Variants in LINGO2 observed in about 807,000 individuals in gnomAD.
LINGO2 encodes the protein leucine rich repeat and Ig domain containing 2.
A neutral mutation model predicts 30.6 loss-of-function variants in LINGO2; 14 were observed. The observed-to-expected ratio is 0.46, with a 90% CI of 0.30 to 0.72. The LOEUF is 0.72. Among genes scored for constraint, LINGO2 ranks in the 30% least tolerant of loss-of-function variants. LINGO2 has a pLI of 0.07. For synonymous variants in LINGO2, 317 were observed against 288.5 expected (o/e 1.10, Z -1.00); for missense variants, 729 against 751.7 (o/e 0.97, Z 0.35).
intron 3 of LINGO2, among the ~76,000 whole-genome samples, chr9:28,352,187 G>A (rs375107540): frequency 5.3e-5 from 8 of 151,966 alleles, no homozygotes; most frequent in South Asian, 2.1e-4. Context: ...AGGGTATTCA[G>A]TTAGGAAAAG....
At chr9:28,419,695 G>T (rs1261433478) in intron 2 of LINGO2, among the ~76,000 whole-genome samples, 1 of 151,578 alleles carries the variant, frequency 6.6e-6, no homozygotes, top group East Asian at 1.9e-4. Flanking sequence ...TCAGCCTTAA[G>T]ACCAATGACA....
the LINGO2 span, among the ~76,000 whole-genome samples, chr9:28,998,105 G>C: frequency 6.6e-6 from 1 of 152,136 alleles, no homozygotes; most frequent in East Asian, 1.9e-4. Flanking sequence ...CCATACTTAA[G>C]AGTCAGAAAT....
chr9:28,131,028 A>G (rs1367517055), intron 4 of LINGO2, among the ~76,000 whole-genome samples: 1 of 151,968 alleles, frequency 6.6e-6, no homozygotes, highest in Non-Finnish European at 1.5e-5. Flanking sequence ...AACTTCTACC[A>G]TGCTCCCAGC....
intron 4 of LINGO2, among the ~76,000 whole-genome samples, chr9:28,191,755 G>A (rs1220087967): frequency 6.6e-6 from 1 of 152,044 alleles, no homozygotes; most frequent in Non-Finnish European, 1.5e-5. Flanking sequence ...AGAACCTAAA[G>A]TTTTAACCTC....
chr9:28,519,875 A>AT (rs35872265), intron 1 of LINGO2, among the ~76,000 whole-genome samples: 4 of 151,764 alleles, frequency 2.6e-5, no homozygotes, highest in Non-Finnish European at 5.9e-5. Context: ...TTGATCCCCA[A>AT]TTTTTTTTCT....
intron 4 of LINGO2, among the ~76,000 whole-genome samples, chr9:28,172,469 C>T (rs897063110): frequency 2.0e-5 from 3 of 151,966 alleles, no homozygotes; most frequent in Non-Finnish European, 4.4e-5. Flanking sequence ...ACCTAAGAAC[C>T]CTACATAGAA....
intron 5 of LINGO2, among the ~76,000 whole-genome samples, chr9:27,972,176 C>G (rs1245555153): frequency 1.3e-5 from 2 of 152,166 alleles, no homozygotes; most frequent in Admixed American, 1.3e-4. Flanking sequence ...AGGAATCAAA[C>G]TTCTCTGTCT....
the LINGO2 span, among the ~76,000 whole-genome samples, chr9:29,040,029 G>C: frequency 1.3e-5 from 2 of 151,886 alleles, no homozygotes; most frequent in Non-Finnish European, 2.9e-5. Context: ...TATTTTTATA[G>C]AAATATTTCT....
chr9:28,805,454 T>A, the LINGO2 span, among the ~76,000 whole-genome samples: 15 of 152,170 alleles, frequency 9.9e-5, no homozygotes, highest in Non-Finnish European at 1.9e-4. Flanking sequence ...TCTATATCTA[T>A]CTAATTCCAT....
intron 1 of LINGO2, among the ~76,000 whole-genome samples, chr9:28,552,189 C>A (rs1226249583): frequency 6.6e-6 from 1 of 151,904 alleles, no homozygotes; most frequent in Non-Finnish European, 1.5e-5. Flanking sequence ...CTGCAAATTA[C>A]CCTGGGTGTT....
chr9:28,628,024 A>G (rs1826762451), intron 1 of LINGO2, among the ~76,000 whole-genome samples: 1 of 152,038 alleles, frequency 6.6e-6, no homozygotes. Flanking sequence ...TTCTATCTCA[A>G]TAATACCATT....
At chr9:28,594,229 A>C (rs1459565215) in intron 1 of LINGO2, among the ~76,000 whole-genome samples, 1 of 151,978 alleles carries the variant, frequency 6.6e-6, no homozygotes, top group African/African-American at 2.4e-5. Context: ...ATAGGAAAGC[A>C]CTTTTTCTTC....
the LINGO2 span, among the ~76,000 whole-genome samples, chr9:28,873,691 TA>T: frequency 1.4e-4 from 21 of 152,108 alleles, no homozygotes; most frequent in Admixed American, 2.6e-4. Context: ...TATGAACTCA[TA>T]TAATTGCAGA....
intron 2 of LINGO2, among the ~76,000 whole-genome samples, chr9:28,374,707 G>T (rs573891875): frequency 1.5e-4 from 23 of 152,188 alleles, no homozygotes; most frequent in Middle Eastern, 6.8e-3. Context: ...CACCCACCAT[G>T]TATAAGCACT....
chr9:28,372,239 A>G (rs1284706131), intron 3 of LINGO2, among the ~76,000 whole-genome samples: 2 of 152,216 alleles, frequency 1.3e-5, no homozygotes, highest in African/African-American at 4.8e-5. Context: ...TTTTCTGTCC[A>G]TGAGTGAGGA....
chr9:28,877,098 G>C, the LINGO2 span, among the ~76,000 whole-genome samples: 2 of 139,126 alleles, frequency 1.4e-5, no homozygotes, highest in Non-Finnish European at 3.0e-5. Context: ...TGATGGGGTT[G>C]TGTTTTTTTT....
At chr9:29,044,002 A>G in the LINGO2 span, among the ~76,000 whole-genome samples, 1 of 152,054 alleles carries the variant, frequency 6.6e-6, no homozygotes. Context: ...AAGAACAATG[A>G]TAAAGCGAAC....
chr9:28,430,530 CCTT>C (rs879810100), intron 2 of LINGO2, among the ~76,000 whole-genome samples: 5 of 152,120 alleles, frequency 3.3e-5, no homozygotes, highest in Non-Finnish European at 5.9e-5. Context: ...GAGAAAATCT[CCTT>C]AACTTTTAAA....
chr9:28,348,476 T>C (rs545467520), intron 3 of LINGO2, among the ~76,000 whole-genome samples: 45 of 152,186 alleles, frequency 3.0e-4, no homozygotes, highest in African/African-American at 9.4e-4. Flanking sequence ...GATTATATCC[T>C]GCACCTGGCT....
Sources: allele counts gnomAD v4.1 joint callset (sites outside exome capture counted in the v4.1 genomes callset), GRCh38; gene constraint gnomAD v4.1.1; transcripts MANE v1.5; gene names NCBI Gene and HGNC (gene_info 2026-07-23, HGNC 2026-07-21).